The following CEP162 variants were observed in gnomAD, a reference collection of about 807,000 sequenced individuals.
CEP162 encodes centrosomal protein of 162 kDa.
In CEP162, 141 loss-of-function variants were observed where a neutral mutation model predicts 169.2. The observed-to-expected ratio is 0.83, with a 90% CI of 0.73 to 0.96. The LOEUF (loss-of-function observed/expected upper bound fraction) is 0.96, where lower values mean the gene tolerates loss of function less well. Ranked by LOEUF, CEP162 falls within the 40% of genes least tolerant of loss-of-function variation. The pLI is 0.00. For synonymous variants in CEP162, 540 were observed against 526.4 expected (o/e 1.03, Z -0.35); for missense variants, 1,600 against 1,587.2 (o/e 1.01, Z -0.14).
At chr6:84,131,355 A>AT (rs1389206280) in intron 25 of CEP162, among the ~76,000 whole-genome samples, 1 of 152,216 alleles carries the variant, frequency 6.6e-6, no homozygotes, top group African/African-American at 2.4e-5. Context: ...GTAGATGTTT[A>AT]TTAGGTCTGC....
Position 84,215,453 on chromosome 6 carries a change from G to A in CEP162, c.332C>T (p.Ser111Phe). 1 of 1,583,796 alleles carries A rather than the reference G, an allele frequency of 6.3e-7. No homozygotes were observed. Among genetic ancestry groups the A allele is most frequent in the Non-Finnish European group, 8.6e-7 (1 of 1,167,810 alleles). ...TCCGAGACTACTATGGTTGAGCTCA[G>A]AAACTACTAGTTCTAAATGGAAAGC... Reference protein sequence around the residue: ...DSLETNELVVSELNHSSLGVG... With the variant: ...DSLETNELVVFELNHSSLGVG... The change falls in exon 5 of 27, where the codon TCT (serine) becomes TTT (phenylalanine). Residue 111 changes from serine (S) to phenylalanine (F), a missense_variant. Transcript: ENST00000403245.
chr6:84,178,612 C>G (rs1437721009), intron 13 of CEP162, among the ~76,000 whole-genome samples: 5 of 152,042 alleles, frequency 3.3e-5, no homozygotes, highest in Non-Finnish European at 7.4e-5. Flanking sequence ...TGCTTAATAC[C>G]TGTATGTGCA....
At chr6:84,165,106 C>T (rs1246977167) in intron 18 of CEP162, among the ~76,000 whole-genome samples, 1 of 151,712 alleles carries the variant, frequency 6.6e-6, no homozygotes, top group Non-Finnish European at 1.5e-5. Flanking sequence ...CCCAGATAGC[C>T]AGGCAGTTTC....
Position 84,174,839 on chromosome 6 carries a change from G to A in CEP162, c.1913C>T (p.Ala638Val). Residue 638 changes from alanine (A) to valine (V), a missense_variant, in exon 15 of 27, where the codon GCC (alanine) becomes GTC (valine). Physicochemically the swap from Ala to Val is moderately conservative, Grantham distance 64. Transcript: ENST00000403245. ...GAQALIEQIK[A>V]TFSEKEKELE... ...TTCTTTCTCCTTTTCTGAGAATGTG[G>A]CTTTAATTTGCTCAATTAGGGCTTG... The A allele has an allele frequency of 2.7e-6, 4 of 1,502,550 alleles. No homozygotes were observed. The highest frequency in any genetic ancestry group is 3.6e-6 in the Non-Finnish European group (4 of 1,100,318). 93.1% of individuals were successfully genotyped at this position (1,502,550 alleles called of 1,614,324 possible).
chr6:84,197,844 G>C (rs78445640), intron 9 of CEP162, among the ~76,000 whole-genome samples: 1 of 140,646 alleles, frequency 7.1e-6, no homozygotes, highest in Non-Finnish European at 1.5e-5. Flanking sequence ...AAAAAAAAAA[G>C]AGAGAAAGTT....
chr6:84,174,015 G>C (rs919625766), intron 16 of CEP162, 33 bp downstream of exon 16: 1 of 1,582,456 alleles, frequency 6.3e-7, no homozygotes, highest in African/African-American at 1.4e-5. Context: ...AAGATCAAGA[G>C]TAAATTTGCC....
chr6:84,225,793 A>T (rs1240789980), intron 2 of CEP162, among the ~76,000 whole-genome samples: 1 of 151,752 alleles, frequency 6.6e-6, no homozygotes, highest in Non-Finnish European at 1.5e-5. Context: ...GATAAACAGA[A>T]GAAGCCTCTC....
At chr6:84,218,056 G>T (rs982660345) in intron 3 of CEP162, among the ~76,000 whole-genome samples, 1 of 152,232 alleles carries the variant, frequency 6.6e-6, no homozygotes, top group African/African-American at 2.4e-5. Context: ...AAAGTTAAAT[G>T]TGAATTACAA....
In CEP162 at chr6:84,146,785, C is replaced by T. The variant is rs2099519067; in HGVS notation, c.3772G>A (p.Val1258Ile). 6.6e-7 allele frequency: 1 copy of T among 1,505,262 alleles called. No homozygotes were observed. Among genetic ancestry groups the T allele is most frequent in the Non-Finnish European group, 9.1e-7 (1 of 1,102,026 alleles). 93.2% of individuals were successfully genotyped at this position (1,505,262 alleles called of 1,614,324 possible). Residue 1258 changes from valine to isoleucine, a missense_variant and splice_region_variant, in exon 25 of 27, where the codon GTA becomes ATA. Physicochemically the swap from Val to Ile is conservative, Grantham distance 29. Coordinates refer to ENST00000403245, the MANE Select transcript of CEP162 (RefSeq NM_014895.4). ...ELNRKIATQE[V>I]LIRHFQSQVN... ...TGACTTTGGAAATGTCTTATAAGTA[C>T]CTAGGAAATTGTTAGAAGTGCTGAG...
intron 20 of CEP162, among the ~76,000 whole-genome samples, 187 bp downstream of exon 20, chr6:84,161,559 T>C (rs2099525781): frequency 6.6e-6 from 1 of 152,158 alleles, no homozygotes; most frequent in African/African-American, 2.4e-5. Context: ...CAGGTTGTGA[T>C]AAGGAGCTTA....
At chr6:84,139,089 T>G (rs2099515383) in intron 25 of CEP162, among the ~76,000 whole-genome samples, 1 of 152,196 alleles carries the variant, frequency 6.6e-6, no homozygotes, top group Non-Finnish European at 1.5e-5. Flanking sequence ...CTTTTTAGAA[T>G]GAAATGGATC....
intron 25 of CEP162, among the ~76,000 whole-genome samples, chr6:84,140,913 C>T (rs553791014): frequency 6.6e-6 from 1 of 152,258 alleles, no homozygotes; most frequent in South Asian, 2.1e-4. Flanking sequence ...TTGTGGAAGA[C>T]AATTCTTCCA....
At chr6:84,187,084 G>A (rs1376721342) in intron 11 of CEP162, among the ~76,000 whole-genome samples, 2 of 152,064 alleles carry the variant, frequency 1.3e-5, no homozygotes, top group Non-Finnish European at 2.9e-5. Flanking sequence ...GAGGCATAGA[G>A]TATAAATACT....
chr6:84,149,741 G>C lies in CEP162; in HGVS notation c.3630-38C>G, dbSNP rs762642122. On this transcript the variant is annotated intron_variant, in intron 23 of 26. Coordinates refer to ENST00000403245, the MANE Select transcript of CEP162 (RefSeq NM_014895.4). ...TGAAAGAAAACCACACATAAAAGTG[G>C]CTCTTCAACCTCTAATTCAGAGTTA... is the stretch of plus-strand genomic sequence containing the variant. 11 of 1,436,746 alleles carry C rather than the reference G, an allele frequency of 7.7e-6. No homozygotes were observed. In the Admixed American group the frequency reaches 2.9e-4, roughly 37 times the overall value. 89.0% of individuals were successfully genotyped at this position (1,436,746 alleles called of 1,614,324 possible). A position where few individuals can be genotyped will look rare whatever the true frequency, so the allele number is the denominator to read the frequency against.
chr6:84,167,862 C>A (rs768385075), intron 18 of CEP162, among the ~76,000 whole-genome samples: 3 of 152,032 alleles, frequency 2.0e-5, no homozygotes, highest in Non-Finnish European at 2.9e-5. Context: ...TTTTCCTAAT[C>A]CACTATTTTA....
intron 25 of CEP162, among the ~76,000 whole-genome samples, chr6:84,145,348 A>G (rs1029234578): frequency 6.6e-6 from 1 of 152,158 alleles, no homozygotes; most frequent in South Asian, 2.1e-4. Context: ...AGTTCCAGCA[A>G]AACAGACTTA....
chr6:84,214,506 T>TAGCTTGCC (rs2099550800), intron 5 of CEP162, among the ~76,000 whole-genome samples: 1 of 152,160 alleles, frequency 6.6e-6, no homozygotes, highest in Admixed American at 6.5e-5. Flanking sequence ...GCTAGCTTGT[T>TAGCTTGCC]AGCTTGCCAA....
chr6:84,182,934 A>G (rs570207028), intron 13 of CEP162, among the ~76,000 whole-genome samples: 1 of 152,224 alleles, frequency 6.6e-6, no homozygotes, highest in East Asian at 1.9e-4. Context: ...ATCTCATCTC[A>G]AACTCTGCTT....
At chr6:84,128,367 AAC>A (rs201931949) in intron 25 of CEP162, among the ~76,000 whole-genome samples, 1 of 148,614 alleles carries the variant, frequency 6.7e-6, no homozygotes, top group African/African-American at 2.6e-5. Context: ...TTAATAAGCA[AAC>A]ATGTATTTAA....
Sources: gnomAD v4.1 joint callset for allele counts (sites outside exome capture counted in the v4.1 genomes callset) on GRCh38, gnomAD v4.1.1 for gene constraint, MANE v1.5 for transcripts, NCBI Gene and HGNC (gene_info 2026-07-23, HGNC 2026-07-21) for gene names.